Variants in KLB observed in about 807,000 individuals in gnomAD.
KLB encodes beta-klotho.
Under a neutral mutation model 88.4 loss-of-function variants are expected in KLB, and 44 were observed. The observed-to-expected ratio is 0.50, with a 90% confidence interval of 0.39 to 0.64. The LOEUF (loss-of-function observed/expected upper bound fraction) is 0.64, where lower values mean the gene tolerates loss of function less well. Ranked by LOEUF, KLB falls within the 30% of genes least tolerant of loss-of-function variation. The pLI, the probability that KLB is intolerant of heterozygous loss-of-function variation, is 0.00. For missense variants in KLB, 1,137 were observed against 1,304.8 expected (o/e 0.87, Z 1.98); for synonymous variants, 548 against 513.4 (o/e 1.07, Z -0.91).
chr4:39,436,772 C>T (rs985838606), intron 2 of KLB, among the ~76,000 whole-genome samples: 2 of 151,798 alleles, frequency 1.3e-5, no homozygotes, highest in Non-Finnish European at 2.9e-5. Context: ...TGCAATGGTA[C>T]AATCTTGGCT....
intron 1 of KLB, among the ~76,000 whole-genome samples, chr4:39,422,098 G>A (rs917704459): frequency 6.6e-6 from 1 of 152,094 alleles, no homozygotes; most frequent in African/African-American, 2.4e-5. Flanking sequence ...TTGGTTTTGT[G>A]TCATGTCTGT....
intron 3 of KLB, among the ~76,000 whole-genome samples, chr4:39,445,759 T>C (rs1188698010): frequency 6.6e-6 from 1 of 150,862 alleles, no homozygotes; most frequent in Non-Finnish European, 1.5e-5. Context: ...CAACTTCAGG[T>C]GATCTGCCCG....
At chr4:39,409,880 C>T (rs1051637715) in intron 1 of KLB, among the ~76,000 whole-genome samples, 4 of 151,922 alleles carry the variant, frequency 2.6e-5, no homozygotes, top group South Asian at 2.1e-4. Context: ...GCCGAGATCA[C>T]GCCACTGCAC....
chr4:39,445,401 C>T (rs1743714378), intron 3 of KLB, among the ~76,000 whole-genome samples: 1 of 152,082 alleles, frequency 6.6e-6, no homozygotes, highest in Admixed American at 6.5e-5. Context: ...CACCCATAAC[C>T]CATTTATTCA....
In KLB at chr4:39,438,133, G is replaced by A. The variant is rs372200874; in HGVS notation, c.1605+138G>A. On this transcript the variant is annotated intron_variant, in intron 3 of 4. Coordinates refer to ENST00000257408, the MANE Select transcript of KLB (RefSeq NM_175737.4). ...TATGGAGGTTATGAAGGAGAGCTAGGGAAAGAGAAGGGAGAAAAAGAAGGA... is the reference window on the plus strand; with the variant it reads ...TATGGAGGTTATGAAGGAGAGCTAGAGAAAGAGAAGGGAGAAAAAGAAGGA... 55 of 791,116 alleles carry A rather than the reference G, an allele frequency of 7.0e-5. No homozygotes were observed. In the African/African-American group the frequency reaches 7.5e-4, roughly 11 times the overall value. 49.0% of individuals were successfully genotyped at this position (791,116 alleles called of 1,614,324 possible).
intron 4 of KLB, among the ~76,000 whole-genome samples, 169 bp from the exon 5 acceptor site, chr4:39,448,129 CCTT>C (rs1335768674): frequency 6.6e-6 from 1 of 152,148 alleles, no homozygotes; most frequent in African/African-American, 2.4e-5. Context: ...CATATTTTCA[CCTT>C]CTCCTTTACA....
chr4:39,447,396 T>A lies in KLB; in HGVS notation c.2670T>A (p.Ser890Arg), dbSNP rs768080001. 4.3e-6 allele frequency: 7 copies of A among 1,613,518 alleles called. No individual in the cohort carries two copies. The highest frequency in any genetic ancestry group is 2.5e-6 in the Non-Finnish European group (3 of 1,179,908). The change falls in exon 4 of 5, where the codon AGT becomes AGA. Residue 890 changes from serine (S) to arginine (R), a missense_variant. Physicochemically the swap from Ser to Arg is moderately radical, Grantham distance 110. Around this residue, in one of 4 missense-constraint regions of KLB, gnomAD observed 426 missense variants for 404.6 expected, o/e 1.05. Coordinates refer to ENST00000257408, the MANE Select transcript of KLB (RefSeq NM_175737.4). The part of the protein sequence containing the change: ...YGDMDIYITA[S>R]GIDDQALEDD... ...ACATGGACATTTACATCACCGCCAG[T>A]GGCATCGACGACCAGGCTCTGGAGG...
rs1176055094 is a variant in KLB, at chr4:39,449,697, G to A, written c.*1011G>A. On this transcript the variant is annotated 3_prime_UTR_variant, in exon 5 of 5. Coordinates refer to ENST00000257408, the MANE Select transcript of KLB (RefSeq NM_175737.4). ...CCCAGCACTTTGGGAGGCCAAGGCA[G>A]GTGGATCACCTGAGGTTAGGAGTTC... 6.6e-6 allele frequency: 1 copy of A among 151,958 alleles called. No homozygotes were observed. Among genetic ancestry groups the A allele is most frequent in the East Asian group, 1.9e-4 (1 of 5,198 alleles). The allele number at this position is 151,958 out of a possible 1,614,324, so 9.4% of individuals were successfully genotyped here.
chr4:39,414,384 G>A lies in KLB; in HGVS notation c.825+6610G>A, dbSNP rs377252677. On this transcript the variant is annotated intron_variant, in intron 1 of 4. Coordinates refer to ENST00000257408, the MANE Select transcript of KLB (RefSeq NM_175737.4). ...CATCAACATGATTACATCTAGTTTG[G>A]CTTTTCACATATCGAGAATAAAGAC... Among the ~76,000 whole-genome samples, 20 of 151,660 alleles carry A rather than the reference G, an allele frequency of 1.3e-4. No homozygotes were observed. In the South Asian group the frequency reaches 4.0e-3, roughly 30 times the overall value.
At chr4:39,427,535 A>C (rs1410732269) in intron 1 of KLB, among the ~76,000 whole-genome samples, 1 of 152,036 alleles carries the variant, frequency 6.6e-6, no homozygotes, top group Non-Finnish European at 1.5e-5. Flanking sequence ...AGGGCTAAGC[A>C]GATGAAAAGA....
In KLB at chr4:39,448,548, C is replaced by T. The variant is rs575344481; in HGVS notation, c.2997C>T (p.Phe999=). The part of the protein sequence containing the change: ...LFLVQKKPLI[F]LGCCFFSTLV... ...TTGTGCAGAAGAAACCACTGATATT[C>T]CTGGGTTGTTGCTTCTTCTCCACCC... is the stretch of plus-strand genomic sequence containing the variant. Residue 999 remains phenylalanine (F), a synonymous_variant, in exon 5 of 5, where the codon TTC becomes TTT. Coordinates refer to ENST00000257408, the MANE Select transcript of KLB (RefSeq NM_175737.4). 1.7e-5 allele frequency: 28 copies of T among 1,614,182 alleles called. No homozygotes were observed. In the South Asian group the frequency reaches 2.6e-4, roughly 15 times the overall value.
chr4:39,436,566 G>A, intron 2 of KLB, among the ~76,000 whole-genome samples: 1 of 152,278 alleles, frequency 6.6e-6, no homozygotes, highest in African/African-American at 2.4e-5. Flanking sequence ...TTTAGGAAAA[G>A]AATGTCAGTG....
chr4:39,446,938 G>T lies in KLB; in HGVS notation c.2212G>T (p.Val738Leu). Residue 738 changes from valine to leucine, a missense_variant, in exon 4 of 5, where the codon GTG becomes TTG. Physicochemically the swap from Val to Leu is conservative, Grantham distance 32. This residue lies in a region of KLB where 426 missense variants were observed against 404.6 expected (regional missense o/e 1.05). Coordinates refer to ENST00000257408, the MANE Select transcript of KLB (RefSeq NM_175737.4). The surrounding 1 kb of genome is among the most constrained non-coding windows in gnomAD (Gnocchi z 6.4). ...RQFRPSQRGA[V>L]SLSLHADWAE... Reference sequence around the variant, plus strand: ...GTTCAGGCCCTCACAGCGCGGGGCCGTGTCGCTGTCGCTGCACGCGGACTG... The same window carrying T: ...GTTCAGGCCCTCACAGCGCGGGGCCTTGTCGCTGTCGCTGCACGCGGACTG... The T allele has an allele frequency of 6.2e-7, 1 of 1,604,790 alleles. No homozygotes were observed. Among genetic ancestry groups the T allele is most frequent in the Non-Finnish European group, 8.5e-7 (1 of 1,178,888 alleles).
chr4:39,442,808 A>G (rs1269335491), intron 3 of KLB, among the ~76,000 whole-genome samples: 2 of 152,226 alleles, frequency 1.3e-5, no homozygotes, highest in African/African-American at 4.8e-5. Flanking sequence ...CTCAGCATGT[A>G]TCTCCTAAGA....
chr4:39,410,615 G>A (rs1301730627), intron 1 of KLB, among the ~76,000 whole-genome samples: 1 of 152,098 alleles, frequency 6.6e-6, no homozygotes, highest in Non-Finnish European at 1.5e-5. Flanking sequence ...TGACTTTCAC[G>A]TAGAAAACAT....
intron 1 of KLB, among the ~76,000 whole-genome samples, chr4:39,424,268 G>A (rs1395598258): frequency 6.6e-6 from 1 of 151,660 alleles, no homozygotes; most frequent in East Asian, 1.9e-4. Context: ...ACGAGGTTTT[G>A]CCATGTTGGC....
chr4:39,424,780 C>T (rs1396202856), intron 1 of KLB, among the ~76,000 whole-genome samples: 1 of 151,986 alleles, frequency 6.6e-6, no homozygotes, highest in Admixed American at 6.6e-5. Flanking sequence ...AGGCATGTGC[C>T]ACCACGCCTG....
In KLB at chr4:39,446,590, T is replaced by C; in HGVS notation, c.1864T>C (p.Tyr622His). ...LSAVNRQALR[Y>H]YRCVVSEGLK... is the part of the protein sequence containing the mutation. ...CGCGGTGAACCGACAGGCCCTGAGG[T>C]ACTACAGGTGCGTGGTCAGTGAGGG... Residue 622 changes from tyrosine to histidine, a missense_variant, in exon 4 of 5, where the codon TAC becomes CAC. Physicochemically the swap from Tyr to His is moderately conservative, Grantham distance 83 (BLOSUM62 2). Around this residue, in one of 4 missense-constraint regions of KLB, gnomAD observed 597 missense variants for 765.2 expected, o/e 0.78. Transcript: ENST00000257408. This position sits in a 1 kb window ranked among gnomAD's most constrained non-coding sequence, Gnocchi z 6.4. 1 of 1,614,168 alleles carries C rather than the reference T, an allele frequency of 6.2e-7. No homozygotes were observed. Among genetic ancestry groups the C allele is most frequent in the Non-Finnish European group, 8.5e-7 (1 of 1,180,022 alleles).
At chr4:39,417,101 AG>A (rs1464403241) in intron 1 of KLB, among the ~76,000 whole-genome samples, 1 of 11,224 alleles carries the variant, frequency 8.9e-5, no homozygotes, top group African/African-American at 9.7e-5. Flanking sequence ...ATTGAAAAAA[AG>A]GATTTTTTTA....
Sources: gnomAD v4.1 joint callset for allele counts (sites outside exome capture counted in the v4.1 genomes callset) on GRCh38, gnomAD v4.1.1 for gene constraint, gnomAD v4.1.1 regional missense constraint, Gnocchi (gnomAD v3.1) non-coding constraint, MANE v1.5 for transcripts, NCBI Gene and HGNC (gene_info 2026-07-23, HGNC 2026-07-21) for gene names.